ATXN7: variants seen among roughly 807,000 people sequenced by gnomAD.
The protein encoded by ATXN7 is ataxin 7, also known as ataxin-7.
ATXN7 carries 12 observed loss-of-function variants against 70.5 expected under a neutral mutation model. That is an observed-to-expected ratio of 0.17 (90% CI 0.11 to 0.28). The LOEUF (loss-of-function observed/expected upper bound fraction) is 0.28. Among genes scored for constraint, ATXN7 ranks in the 10% least tolerant of loss-of-function variants. ATXN7 has a pLI of 1.00. For synonymous variants in ATXN7, 498 were observed against 448.7 expected, an observed-to-expected ratio of 1.11 and a Z score of -1.39; for missense variants, 1,256 against 1,131.7, an observed-to-expected ratio of 1.11 and a Z score of -1.58.
At chr3:63,945,446 G>C (rs534040708) in intron 4 of ATXN7, among the ~76,000 whole-genome samples, 46 of 152,272 alleles carry the variant, frequency 3.0e-4, no homozygotes, top group Non-Finnish European at 5.9e-4. Context: ...AATGTTTTCA[G>C]GGAAGACTAT....
chr3:63,982,035 A>G, intron 6 of ATXN7, 151 bp from the exon 7 acceptor site: 5 of 1,021,828 alleles, frequency 4.9e-6, no homozygotes, highest in Non-Finnish European at 7.2e-6. Context: ...TATGAACCTT[A>G]CTAACAAAAC....
intron 4 of ATXN7, among the ~76,000 whole-genome samples, chr3:63,932,175 C>T (rs1421553404): frequency 6.6e-6 from 1 of 152,074 alleles, no homozygotes; most frequent in Non-Finnish European, 1.5e-5. Context: ...TGTGCAGGTT[C>T]CCATATTCAA....
intron 4 of ATXN7, among the ~76,000 whole-genome samples, chr3:63,944,309 C>T (rs1377842414): frequency 1.3e-5 from 2 of 152,100 alleles, no homozygotes; most frequent in African/African-American, 2.4e-5. Context: ...AGATTCACAA[C>T]AATAATTAAT....
chr3:63,977,444 G>T (rs1459439027), intron 5 of ATXN7, among the ~76,000 whole-genome samples: 7 of 151,968 alleles, frequency 4.6e-5, no homozygotes, highest in Admixed American at 4.6e-4. Flanking sequence ...TCTAGTTGAG[G>T]GTTTTCTCTG....
intron 5 of ATXN7, among the ~76,000 whole-genome samples, chr3:63,962,455 A>T (rs1196629228): frequency 1.3e-5 from 2 of 151,994 alleles, no homozygotes; most frequent in Non-Finnish European, 2.9e-5. Context: ...CTCAGGATGG[A>T]GTACAGTGGT....
At chr3:63,967,331 G>T (rs1050579529) in intron 5 of ATXN7, among the ~76,000 whole-genome samples, 3 of 152,112 alleles carry the variant, frequency 2.0e-5, no homozygotes, top group African/African-American at 7.2e-5. Context: ...CAGAAAGTGG[G>T]TTCAGATATT....
At chr3:63,912,517 G>C (rs1704069650) in intron 2 of ATXN7, 71 bp from the exon 3 acceptor site, 1 of 993,822 alleles carries the variant, frequency 1.0e-6, no homozygotes, top group Non-Finnish European at 1.2e-6. Context: ...CACGCCGCCG[G>C]AACTCCCTGG....
At chr3:63,994,672 A>G (rs1262806645) in intron 11 of ATXN7, among the ~76,000 whole-genome samples, 1 of 152,254 alleles carries the variant, frequency 6.6e-6, no homozygotes, top group African/African-American at 2.4e-5. Context: ...TGGCCAGGTC[A>G]GCCAGGGCTA....
intron 1 of ATXN7, among the ~76,000 whole-genome samples, chr3:63,880,013 G>A (rs2107219661): frequency 6.6e-6 from 1 of 152,096 alleles, no homozygotes; most frequent in Middle Eastern, 3.4e-3. Context: ...TTGAACCCGG[G>A]AAGCAAAGGT....
chr3:63,998,143 GT>G, intron 12 of ATXN7: 1 of 978,524 alleles, frequency 1.0e-6, no homozygotes, highest in Non-Finnish European at 1.2e-6. Flanking sequence ...TGAGCACACT[GT>G]CTTCATTTAG....
At chr3:63,880,629 T>G (rs1702880527) in intron 1 of ATXN7, among the ~76,000 whole-genome samples, 1 of 152,174 alleles carries the variant, frequency 6.6e-6, no homozygotes, top group South Asian at 2.1e-4. Flanking sequence ...TCTACTGAGA[T>G]TTCATTTGTC....
chr3:63,877,509 G>T (rs1019149822), intron 1 of ATXN7, among the ~76,000 whole-genome samples: 14 of 152,382 alleles, frequency 9.2e-5, no homozygotes, highest in Admixed American at 7.8e-4. Context: ...CCTTCAGGCT[G>T]ATGAGAGCTG....
chr3:63,990,844 A>G lies in ATXN7; in HGVS notation c.1667A>G (p.Asn556Ser). Residue 556 changes from asparagine to serine, a missense_variant, in exon 11 of 13, where the codon AAT becomes AGT. Transcript: ENST00000674280. Reference sequence around the variant, plus strand: ...AACCTCATGGTGGAGAAGCATCTGAATGCACAGCTATGGAAGTGAGTGCCT... The same window carrying G: ...AACCTCATGGTGGAGAAGCATCTGAGTGCACAGCTATGGAAGTGAGTGCCT... ...ALNLMVEKHLNAQLWKKIPPV... is the reference protein window; with the variant it reads ...ALNLMVEKHLSAQLWKKIPPV... 1.9e-6 allele frequency: 3 copies of G among 1,614,228 alleles called. No individual in the cohort carries two copies. The highest frequency in any genetic ancestry group is 1.1e-5 in the South Asian group (1 of 91,082).
chr3:63,863,821 G>A, upstream of ATXN7: 1 of 1,212,784 alleles, frequency 8.2e-7, no homozygotes, highest in South Asian at 3.9e-5. Context: ...CGGCGGCGGC[G>A]GCGCAAGCTG....
chr3:63,866,382 T>A (rs1398293832), intron 1 of ATXN7, among the ~76,000 whole-genome samples: 4 of 152,048 alleles, frequency 2.6e-5, no homozygotes, highest in African/African-American at 9.7e-5. Flanking sequence ...TACCAACTAG[T>A]TGGGACTACC....
chr3:63,884,288 A>T (rs1046726706), intron 1 of ATXN7, among the ~76,000 whole-genome samples: 3 of 152,016 alleles, frequency 2.0e-5, no homozygotes, highest in Non-Finnish European at 2.9e-5. Context: ...CTCTCCACAC[A>T]CAATGATGGG....
intron 8 of ATXN7, among the ~76,000 whole-genome samples, chr3:63,986,622 CAAACA>C (rs2075582574): frequency 6.6e-6 from 1 of 152,158 alleles, no homozygotes; most frequent in Non-Finnish European, 1.5e-5. Flanking sequence ...TGGTACAACA[CAAACA>C]AAACAAAGTT....
chr3:63,942,702 A>G (rs1388832872), intron 4 of ATXN7, among the ~76,000 whole-genome samples: 1 of 152,234 alleles, frequency 6.6e-6, no homozygotes, highest in Non-Finnish European at 1.5e-5. Context: ...TGGCTAGTGT[A>G]TCCCACTGAT....
chr3:63,874,086 C>T (rs1205731780), intron 1 of ATXN7, among the ~76,000 whole-genome samples: 1 of 152,208 alleles, frequency 6.6e-6, no homozygotes, highest in Non-Finnish European at 1.5e-5. Context: ...GTACTTACCA[C>T]TCTAAATGCA....
Sources: gnomAD v4.1 joint callset for allele counts (sites outside exome capture counted in the v4.1 genomes callset) on GRCh38, gnomAD v4.1.1 for gene constraint, MANE v1.5 for transcripts, NCBI Gene and HGNC (gene_info 2026-07-23, HGNC 2026-07-21) for gene names.